Variants in LGR6 observed in about 807,000 individuals in gnomAD.
LGR6 encodes the protein leucine-rich repeat-containing G protein-coupled receptor 6.
In LGR6, 45 loss-of-function variants were observed where a neutral mutation model predicts 69.4. The ratio of observed to expected loss-of-function variants is 0.65; its 90% CI spans 0.51 to 0.83. The LOEUF is 0.83. LGR6 is among the 40% of genes least tolerant of loss of function. The probability of loss-of-function intolerance (pLI) is 0.00; values close to 1 mark genes in which losing one functional copy is unlikely to be tolerated. For missense variants in LGR6, 1,108 were observed against 1,246.7 expected (o/e 0.89, Z 1.68); for synonymous variants, 538 against 555.0 (o/e 0.97, Z 0.43).
At chr1:202,250,028 C>G (rs1663096001) in intron 4 of LGR6, among the ~76,000 whole-genome samples, 1 of 152,250 alleles carries the variant, frequency 6.6e-6, no homozygotes, top group Non-Finnish European at 1.5e-5. Flanking sequence ...TCCTGCCCAT[C>G]TCTCACCACT....
rs76803481 is a variant in LGR6, at chr1:202,245,067, G to A, written c.428+9074G>A. Among the ~76,000 whole-genome samples, 626 of 152,324 alleles carry A rather than the reference G, an allele frequency of 4.1e-3. 7 individuals carry two copies. Among genetic ancestry groups the A allele is most frequent in the African/African-American group, 0.014 (597 of 41,572 alleles). On this transcript the variant is annotated intron_variant, in intron 4 of 17. Coordinates refer to ENST00000367278, the MANE Select transcript of LGR6 (RefSeq NM_001017403.2). Reference sequence around the variant, plus strand: ...CAAAATCTGCCTGCAAGCTGTGCAGGTGATCTAGTGAACCCTGTTGGCACC... The same window carrying A: ...CAAAATCTGCCTGCAAGCTGTGCAGATGATCTAGTGAACCCTGTTGGCACC...
intron 6 of LGR6, among the ~76,000 whole-genome samples, chr1:202,295,807 G>A (rs1667110709): frequency 6.6e-6 from 1 of 152,026 alleles, no homozygotes; most frequent in Non-Finnish European, 1.5e-5. Flanking sequence ...AAGCAAAGCA[G>A]AAGGGATTTT....
Position 202,315,098 on chromosome 1 carries a change from C to T in LGR6, c.1648+216C>T, listed in dbSNP as rs374752025. On this transcript the variant is annotated intron_variant, in intron 17 of 17. Coordinates refer to ENST00000367278, the MANE Select transcript of LGR6 (RefSeq NM_001017403.2). ...TTGAGGGGAGTAGCATGAATGGAGG[C>T]GAAGTCAAGCAATCAGCCAATTAGC... Among the ~76,000 whole-genome samples, 36 of 152,208 alleles carry T rather than the reference C, an allele frequency of 2.4e-4. 1 individual carries two copies. Among genetic ancestry groups the T allele is most frequent in the South Asian group, 4.2e-4 (2 of 4,818 alleles).
At chr1:202,284,647 G>A (rs1342730214) in intron 6 of LGR6, among the ~76,000 whole-genome samples, 2 of 152,138 alleles carry the variant, frequency 1.3e-5, no homozygotes, top group Non-Finnish European at 2.9e-5. Flanking sequence ...CTAGGTCAGT[G>A]TTTGGAAATG....
chr1:202,227,824 A>G, intron 2 of LGR6, 112 bp from the exon 3 acceptor site: 1 of 728,690 alleles, frequency 1.4e-6, no homozygotes, highest in Non-Finnish European at 2.5e-6. Context: ...TTCAATAAAT[A>G]GTAGTTTTTA....
chr1:202,198,023 C>G (rs1383431509), intron 1 of LGR6, among the ~76,000 whole-genome samples: 1 of 152,248 alleles, frequency 6.6e-6, no homozygotes, highest in African/African-American at 2.4e-5. Flanking sequence ...CTACACCAAG[C>G]AACCCCCATT....
At chr1:202,206,361 C>G (rs1189496990) in intron 1 of LGR6, among the ~76,000 whole-genome samples, 2 of 152,214 alleles carry the variant, frequency 1.3e-5, no homozygotes, top group Non-Finnish European at 2.9e-5. Context: ...GGAGTCAGAG[C>G]CGGGAACCAG....
intron 3 of LGR6, among the ~76,000 whole-genome samples, chr1:202,231,500 C>T (rs12021815): frequency 0.3 from 45,982 of 152,040 alleles, 7,896 homozygotes; most frequent in Non-Finnish European, 0.39. Flanking sequence ...ATCTCATGTG[C>T]AGTCAGAAGC....
intron 4 of LGR6, among the ~76,000 whole-genome samples, chr1:202,273,621 C>T (rs1315933598): frequency 1.3e-5 from 2 of 151,928 alleles, no homozygotes; most frequent in South Asian, 4.2e-4. Context: ...CCATGCCCGG[C>T]TAATTTTGTA....
chr1:202,290,351 A>G (rs1224124756), intron 6 of LGR6, among the ~76,000 whole-genome samples: 6 of 152,246 alleles, frequency 3.9e-5, no homozygotes, highest in African/African-American at 1.4e-4. Flanking sequence ...TGACATGCTT[A>G]TAAGCATCAA....
chr1:202,214,553 C>T (rs1037663702), intron 1 of LGR6, among the ~76,000 whole-genome samples: 2 of 152,272 alleles, frequency 1.3e-5, no homozygotes, highest in East Asian at 3.9e-4. Context: ...AGGGGCTCCA[C>T]TGAACCACCT....
intron 2 of LGR6, among the ~76,000 whole-genome samples, chr1:202,226,378 T>C (rs1168139951): frequency 6.6e-6 from 1 of 152,242 alleles, no homozygotes; most frequent in African/African-American, 2.4e-5. Flanking sequence ...TGTCTAGCTC[T>C]TTTAGAATTT....
At chr1:202,296,964 A>G (rs772203284) in intron 6 of LGR6, among the ~76,000 whole-genome samples, 1 of 152,084 alleles carries the variant, frequency 6.6e-6, no homozygotes, top group Non-Finnish European at 1.5e-5. Flanking sequence ...CATGTGATAT[A>G]TGCTCATTGC....
chr1:202,221,407 AT>A (rs1660145054), intron 1 of LGR6, among the ~76,000 whole-genome samples: 2 of 151,858 alleles, frequency 1.3e-5, no homozygotes, highest in Non-Finnish European at 2.9e-5. Context: ...CTCTGAGAAC[AT>A]TTTCCTCATG....
intron 17 of LGR6, among the ~76,000 whole-genome samples, chr1:202,317,098 G>C (rs972006406): frequency 6.6e-6 from 1 of 152,210 alleles, no homozygotes; most frequent in Admixed American, 6.5e-5. Flanking sequence ...TCCCACAGTG[G>C]AGGACTTAGT....
chr1:202,250,924 A>G (rs552190360), intron 4 of LGR6, among the ~76,000 whole-genome samples: 45 of 152,334 alleles, frequency 3.0e-4, no homozygotes, highest in African/African-American at 5.8e-4. Flanking sequence ...TTTTTCTGCC[A>G]TAACTCCCTG....
chr1:202,310,078 G>A (rs1339846405), intron 15 of LGR6, 119 bp from the exon 16 acceptor site: 1 of 972,148 alleles, frequency 1.0e-6, no homozygotes, highest in South Asian at 1.6e-5. Flanking sequence ...AGGGAACTTG[G>A]GAGTTGAAGG....
intron 4 of LGR6, among the ~76,000 whole-genome samples, chr1:202,257,259 ACTTT>A (rs1200686857): frequency 6.7e-6 from 1 of 149,432 alleles, no homozygotes; most frequent in Non-Finnish European, 1.5e-5. Context: ...TGTCTTTTTC[ACTTT>A]CTTTATCATA....
chr1:202,221,397 C>T (rs1431926912), intron 1 of LGR6, among the ~76,000 whole-genome samples: 4 of 152,116 alleles, frequency 2.6e-5, no homozygotes, highest in African/African-American at 9.7e-5. Context: ...CAGGGTGAAA[C>T]TCTGAGAACA....
Sources: gnomAD v4.1 joint callset for allele counts (sites outside exome capture counted in the v4.1 genomes callset) on GRCh38, gnomAD v4.1.1 for gene constraint, MANE v1.5 for transcripts, NCBI Gene and HGNC (gene_info 2026-07-23, HGNC 2026-07-21) for gene names.